MORF4L1: variants seen among roughly 807,000 people sequenced by gnomAD.
The protein encoded by MORF4L1 is mortality factor 4-like protein 1.
Under a neutral mutation model 52.9 loss-of-function variants are expected in MORF4L1, and 4 were observed. That is an observed-to-expected ratio of 0.08 (90% confidence interval 0.04 to 0.17). MORF4L1 has a LOEUF of 0.17. Ranked by LOEUF, MORF4L1 falls within the 10% of genes least tolerant of loss-of-function variation. The pLI, the probability that MORF4L1 is intolerant of heterozygous loss-of-function variation, is 1.00. For synonymous variants in MORF4L1, 123 were observed against 134.8 expected (o/e 0.91, Z 0.61); for missense variants, 214 against 390.4 (o/e 0.55, Z 3.81).
intron 11 of MORF4L1, 139 bp downstream of exon 11, chr15:78,895,043 T>G: frequency 1.5e-6 from 1 of 673,314 alleles, no homozygotes; most frequent in South Asian, 1.7e-5. Flanking sequence ...TAAAAGTAAG[T>G]GCAAACACAT....
At chr15:78,895,557 T>C (rs1412829828) in intron 11 of MORF4L1, among the ~76,000 whole-genome samples, 2 of 152,232 alleles carry the variant, frequency 1.3e-5, no homozygotes, top group African/African-American at 4.8e-5. Context: ...CAAGCACTTA[T>C]TAAAAGGGTG....
At chr15:78,880,768 T>C (rs1161657887) in intron 3 of MORF4L1, among the ~76,000 whole-genome samples, 189 bp downstream of exon 3, 2 of 152,164 alleles carry the variant, frequency 1.3e-5, no homozygotes, top group African/African-American at 4.8e-5. Context: ...TTAATTTAAA[T>C]ATACTTGGAT....
At chr15:78,878,143 ACTCT>A (rs1345326757) in intron 1 of MORF4L1, 66 bp from the exon 2 acceptor site, 4 of 1,469,028 alleles carry the variant, frequency 2.7e-6, no homozygotes, top group African/African-American at 2.8e-5. Flanking sequence ...AAGTGTGATG[ACTCT>A]CTAAGATGTT....
intron 1 of MORF4L1, among the ~76,000 whole-genome samples, chr15:78,874,454 C>T: frequency 6.6e-6 from 1 of 152,004 alleles, no homozygotes; most frequent in East Asian, 1.9e-4. Flanking sequence ...CTCACCTCTG[C>T]CCCCCACCCG....
At chr15:78,874,915 C>T (rs745953596) in intron 1 of MORF4L1, among the ~76,000 whole-genome samples, 1 of 151,594 alleles carries the variant, frequency 6.6e-6, no homozygotes, top group African/African-American at 2.4e-5. Flanking sequence ...TTTCAATTAA[C>T]AGTGTAATTG....
At chr15:78,874,331 T>G (rs2056436744) in intron 1 of MORF4L1, among the ~76,000 whole-genome samples, 1 of 151,978 alleles carries the variant, frequency 6.6e-6, no homozygotes, top group Non-Finnish European at 1.5e-5. Context: ...ATTTTAAGTT[T>G]ATGGAATATT....
rs2056813565 is a variant in MORF4L1, at chr15:78,892,242, A to G, written c.469A>G (p.Lys157Glu). The G allele has an allele frequency of 6.2e-7, 1 of 1,613,176 alleles. No individual in the cohort carries two copies. Among genetic ancestry groups the G allele is most frequent in the African/African-American group, 1.3e-5 (1 of 74,902 alleles). ...AACATTCATGAACAGAGTTGAAGTTAAAGTAAAGATTCCTGAAGAGCTAAA... is the reference window on the plus strand; with the variant it reads ...AACATTCATGAACAGAGTTGAAGTTGAAGTAAAGATTCCTGAAGAGCTAAA... Reference protein sequence around the residue: ...EETFMNRVEVKVKIPEELKPW... With the variant: ...EETFMNRVEVEVKIPEELKPW... Residue 157 changes from lysine (K) to glutamate (E), a missense_variant, in exon 8 of 12, where the codon AAA becomes GAA. Transcript: ENST00000426013.
chr15:78,876,704 G>C (rs893680671), intron 1 of MORF4L1: 6 of 363,460 alleles, frequency 1.7e-5, no homozygotes, highest in Admixed American at 3.4e-5. Context: ...TTTAGTTCTC[G>C]TTCCTGGGCC....
intron 3 of MORF4L1, among the ~76,000 whole-genome samples, chr15:78,884,659 ATAC>A (rs1311726915): frequency 0.04 from 2,518 of 62,192 alleles, 96 homozygotes; most frequent in East Asian, 0.12. Flanking sequence ...AAAAAAAAAA[ATAC>A]ACACACACAC....
At chr15:78,887,595 G>T (rs2056727922) in intron 5 of MORF4L1, among the ~76,000 whole-genome samples, 1 of 152,136 alleles carries the variant, frequency 6.6e-6, no homozygotes, top group African/African-American at 2.4e-5. Context: ...CTCTTACAAA[G>T]ATAGTACTAG....
chr15:78,892,546 C>T, intron 8 of MORF4L1: 1 of 369,144 alleles, frequency 2.7e-6, no homozygotes, highest in Admixed American at 4.3e-5. Flanking sequence ...GGAAATAACT[C>T]ATTTTTGGAG....
At chr15:78,875,580 C>CCAGCCTGGT (rs879737858) in intron 1 of MORF4L1, among the ~76,000 whole-genome samples, 2 of 145,006 alleles carry the variant, frequency 1.4e-5, no homozygotes, top group African/African-American at 5.1e-5. Flanking sequence ...CGGTTCGAGA[C>CCAGCCTGGT]CAGCCTGGTC....
At chr15:78,895,034 A>G (rs2056863544) in intron 11 of MORF4L1, 130 bp downstream of exon 11, 1 of 720,100 alleles carries the variant, frequency 1.4e-6, no homozygotes, top group Admixed American at 2.3e-5. Context: ...ATGGAGCAGT[A>G]AAAGTAAGTG....
At chr15:78,880,134 A>G (rs1169028322) in intron 2 of MORF4L1, among the ~76,000 whole-genome samples, 2 of 152,388 alleles carry the variant, frequency 1.3e-5, no homozygotes, top group African/African-American at 4.8e-5. Context: ...ACTGCCTTTC[A>G]TAAGCTAATG....
At chr15:78,890,407 A>G (rs1462887183) in intron 5 of MORF4L1, among the ~76,000 whole-genome samples, 1 of 152,078 alleles carries the variant, frequency 6.6e-6, no homozygotes, top group African/African-American at 2.4e-5. Context: ...GGGCCTAATA[A>G]TGTAGTATAT....
At chr15:78,888,146 C>T (rs1008775842) in intron 5 of MORF4L1, among the ~76,000 whole-genome samples, 15 of 152,310 alleles carry the variant, frequency 9.8e-5, no homozygotes, top group South Asian at 6.2e-4. Flanking sequence ...AAGTCATGTG[C>T]ATGCATACAT....
At chr15:78,887,386 G>A (rs376027962) in intron 5 of MORF4L1, 37 bp downstream of exon 5, 1 of 1,534,674 alleles carries the variant, frequency 6.5e-7, no homozygotes, top group Admixed American at 1.9e-5. Context: ...CATACTATAT[G>A]TGAAGATAAT....
At chr15:78,881,455 C>G (rs1228993628) in intron 3 of MORF4L1, among the ~76,000 whole-genome samples, 1 of 151,558 alleles carries the variant, frequency 6.6e-6, no homozygotes, top group African/African-American at 2.4e-5. Context: ...CTCGGCCTCC[C>G]AAAGTGCTGG....
intron 3 of MORF4L1, among the ~76,000 whole-genome samples, chr15:78,881,732 T>A (rs1040013195): frequency 6.6e-6 from 1 of 152,234 alleles, no homozygotes; most frequent in African/African-American, 2.4e-5. Context: ...TTTTACATTT[T>A]ATTAATGATG....
Sources: allele counts gnomAD v4.1 joint callset (sites outside exome capture counted in the v4.1 genomes callset), GRCh38; gene constraint gnomAD v4.1.1; transcripts MANE v1.5; gene names NCBI Gene and HGNC (gene_info 2026-07-23, HGNC 2026-07-21).